Variants in COL23A1 observed in about 807,000 individuals in gnomAD.
COL23A1 encodes collagen type XXIII alpha 1 chain, also known as collagen alpha-1(XXIII) chain.
COL23A1 carries 97 observed loss-of-function variants against 99.3 expected under a neutral mutation model. The observed-to-expected ratio is 0.98, with a 90% CI of 0.83 to 1.16. COL23A1 has a LOEUF of 1.16. Ranked by LOEUF, COL23A1 falls within the 50% of genes most tolerant of loss-of-function variation. The probability of loss-of-function intolerance (pLI) is 0.00; values close to 1 mark genes in which losing one functional copy is unlikely to be tolerated. For synonymous variants in COL23A1, 320 were observed against 308.2 expected, an observed-to-expected ratio of 1.04 and a Z score of -0.40; for missense variants, 762 against 757.4, an observed-to-expected ratio of 1.01 and a Z score of -0.07.
intron 2 of COL23A1, among the ~76,000 whole-genome samples, chr5:178,358,429 G>GTGTGTGTATGTGTA (rs1761940294): frequency 1.3e-5 from 2 of 148,626 alleles, no homozygotes; most frequent in Admixed American, 6.7e-5. Context: ...GTGTGTGTAT[G>GTGTGTGTATGTGTA]TGTATGTGTG....
At chr5:178,370,456 A>G (rs139900510) in intron 2 of COL23A1, among the ~76,000 whole-genome samples, 19 of 149,880 alleles carry the variant, frequency 1.3e-4, no homozygotes, top group African/African-American at 3.4e-4. Context: ...TGTGGAATCT[A>G]AAAAAAAAAT....
intron 2 of COL23A1, among the ~76,000 whole-genome samples, chr5:178,533,849 T>C (rs1760787538): frequency 6.6e-6 from 1 of 152,154 alleles, no homozygotes; most frequent in African/African-American, 2.4e-5. Flanking sequence ...ATATATAATA[T>C]ATAAAAATAT....
chr5:178,322,973 T>C (rs967371072), intron 2 of COL23A1, among the ~76,000 whole-genome samples: 1 of 152,134 alleles, frequency 6.6e-6, no homozygotes, highest in Non-Finnish European at 1.5e-5. Context: ...GCAGAGCCAG[T>C]CTCCATCTGC....
Position 178,533,754 on chromosome 5 carries a change from C to A in COL23A1, c.361+26928G>T, listed in dbSNP as rs184199948. ...CCTCGTGATCCGCCTGCCTCAGCCTCCCAAAGTGCTGGGATTACAGGCATG... is the reference window on the plus strand; with the variant it reads ...CCTCGTGATCCGCCTGCCTCAGCCTACCAAAGTGCTGGGATTACAGGCATG... On this transcript the variant is annotated intron_variant, in intron 2 of 28. Coordinates refer to ENST00000390654, the MANE Select transcript of COL23A1 (RefSeq NM_173465.4). Among the ~76,000 whole-genome samples, 1,161 of 152,334 alleles carry A rather than the reference C, an allele frequency of 7.6e-3. 16 individuals are homozygous for A. Among genetic ancestry groups the A allele is most frequent in the African/African-American group, 0.027 (1,108 of 41,570 alleles).
intron 5 of COL23A1, among the ~76,000 whole-genome samples, chr5:178,286,395 C>T (rs1021564175): frequency 6.6e-6 from 1 of 152,172 alleles, no homozygotes; most frequent in African/African-American, 2.4e-5. Context: ...TCTCTCCGTT[C>T]CCAGCCCCGA....
At position 178,261,731 on chromosome 5, in the gene COL23A1, TG is replaced by T. The variant is rs1479623823; in HGVS notation, c.692del (p.Pro231GlnfsTer78). ...AATAAGGAGTACTCACCTTGGGCCCTGGGGGTCCCTTTGGGCCCTGGAACAA... is the reference window on the plus strand; with the variant it reads ...AATAAGGAGTACTCACCTTGGGCCCTGGGGTCCCTTTGGGCCCTGGAACAA... ...QDGEMGPKGP[P>X]GPKGEPGVPG... On this transcript the variant is annotated frameshift_variant, in exon 11 of 29. Coordinates refer to ENST00000390654, the MANE Select transcript of COL23A1 (RefSeq NM_173465.4). LOFTEE classifies it high-confidence loss of function. 6.2e-7 allele frequency: 1 copy of T among 1,609,314 alleles called. No homozygotes were observed. Among genetic ancestry groups the T allele is most frequent in the South Asian group, 1.1e-5 (1 of 90,948 alleles).
chr5:178,491,924 G>A (rs1037712588), intron 2 of COL23A1, among the ~76,000 whole-genome samples: 11 of 151,912 alleles, frequency 7.2e-5, no homozygotes, highest in Admixed American at 1.3e-4. Context: ...TAGTGGAGAC[G>A]GGGTTTCACC....
At position 178,380,175 on chromosome 5, in the gene COL23A1, C is replaced by A. The variant is rs189708878; in HGVS notation, c.362-73256G>T. On this transcript the variant is annotated intron_variant, in intron 2 of 28. Transcript: ENST00000390654. ...GAATGGTTTTATTTATCTGTAGAAGCCACAGACAGCAGGGTGTGGAAAGTC... is the reference window on the plus strand; with the variant it reads ...GAATGGTTTTATTTATCTGTAGAAGACACAGACAGCAGGGTGTGGAAAGTC... Among the ~76,000 whole-genome samples the A allele has an allele frequency of 2.6e-3, 391 of 152,308 alleles. 4 individuals are homozygous for A. The highest frequency in any genetic ancestry group is 9.1e-3 in the African/African-American group (378 of 41,568).
chr5:178,576,254 T>TTA (rs1260379796), intron 1 of COL23A1, among the ~76,000 whole-genome samples: 1 of 152,354 alleles, frequency 6.6e-6, no homozygotes, highest in East Asian at 1.9e-4. Context: ...TCCTTTTTTT[T>TTA]TAGACGGAGT....
chr5:178,372,229 G>GA (rs1295855662), intron 2 of COL23A1, among the ~76,000 whole-genome samples: 1 of 152,132 alleles, frequency 6.6e-6, no homozygotes, highest in East Asian at 2.0e-4. Flanking sequence ...GGCACTTCGA[G>GA]AGAGTGTTGC....
intron 8 of COL23A1, chr5:178,265,651 C>G: frequency 1.0e-6 from 1 of 985,606 alleles, no homozygotes. Flanking sequence ...CTCAGCCAGT[C>G]TACCTTGAGG....
chr5:178,460,077 G>C (rs1756034103), intron 2 of COL23A1, among the ~76,000 whole-genome samples: 1 of 151,766 alleles, frequency 6.6e-6, no homozygotes, highest in Non-Finnish European at 1.5e-5. Context: ...ATTTTTAAAA[G>C]CATCGAACCT....
At chr5:178,361,213 C>T (rs535250833) in intron 2 of COL23A1, among the ~76,000 whole-genome samples, 2 of 152,186 alleles carry the variant, frequency 1.3e-5, no homozygotes, top group East Asian at 1.9e-4. Flanking sequence ...CCACTCTTCC[C>T]TGCCATAAGG....
intron 2 of COL23A1, among the ~76,000 whole-genome samples, chr5:178,335,726 G>A (rs543387466): frequency 1.1e-4 from 16 of 152,330 alleles, no homozygotes; most frequent in African/African-American, 1.9e-4. Context: ...AGGAAGATCC[G>A]CAGCAAGCTC....
chr5:178,327,028 C>T (rs1391241482), intron 2 of COL23A1, among the ~76,000 whole-genome samples: 1 of 152,220 alleles, frequency 6.6e-6, no homozygotes, highest in African/African-American at 2.4e-5. Context: ...AAAAATGACT[C>T]AATTCTTATT....
rs1421572770 is a variant in COL23A1 at position 178,544,515 on chromosome 5, G to A, written c.361+16167C>T. 1.3e-5 allele frequency among the ~76,000 whole-genome samples: 2 copies of A among 152,260 alleles called. No homozygotes were observed. Among genetic ancestry groups the A allele is most frequent in the African/African-American group, 2.4e-5 (1 of 41,546 alleles). On this transcript the variant is annotated intron_variant, in intron 2 of 28. Transcript: ENST00000390654. This position sits in a 1 kb window ranked among gnomAD's most constrained non-coding sequence, Gnocchi z 4.4. ...ACCTGCCCCAGAAAACAGCAAGACC[G>A]GTGGCCACCCCCGCTGTGAGTACTC... is the stretch of plus-strand genomic sequence containing the variant.
At chr5:178,284,711 A>G (rs1757066114) in intron 5 of COL23A1, among the ~76,000 whole-genome samples, 1 of 152,248 alleles carries the variant, frequency 6.6e-6, no homozygotes, top group South Asian at 2.1e-4. Context: ...TAGCCATTAC[A>G]TTCTCTAAGG....
chr5:178,278,596 C>G (rs984474463), intron 5 of COL23A1, among the ~76,000 whole-genome samples: 18 of 152,250 alleles, frequency 1.2e-4, no homozygotes, highest in African/African-American at 4.3e-4. Flanking sequence ...CGTCAGTGAG[C>G]CCGTGAGCCT....
intron 2 of COL23A1, among the ~76,000 whole-genome samples, chr5:178,450,885 A>G (rs1767450447): frequency 6.6e-6 from 1 of 152,242 alleles, no homozygotes; most frequent in Non-Finnish European, 1.5e-5. Context: ...AAGAACACCC[A>G]GTTCAGGGCT....
Sources: allele counts gnomAD v4.1 joint callset (sites outside exome capture counted in the v4.1 genomes callset), GRCh38; gene constraint gnomAD v4.1.1; non-coding constraint Gnocchi (gnomAD v3.1); transcripts MANE v1.5; gene names NCBI Gene and HGNC (gene_info 2026-07-23, HGNC 2026-07-21).